The following NPIPA5 variants were observed in gnomAD, a reference collection of about 807,000 sequenced individuals.
The protein encoded by NPIPA5 is nuclear pore complex-interacting protein family member A5.
NPIPA5 carries 6 observed loss-of-function variants against 21.4 expected under a neutral mutation model. The observed-to-expected ratio is 0.28, with a 90% CI of 0.15 to 0.55. The LOEUF (loss-of-function observed/expected upper bound fraction) is 0.55, where lower values mean the gene tolerates loss of function less well. Among genes scored for constraint, NPIPA5 ranks in the 20% least tolerant of loss-of-function variants. The pLI is 0.93. For missense variants in NPIPA5, 99 were observed against 318.2 expected, an observed-to-expected ratio of 0.31 and a Z score of 5.24; for synonymous variants, 33 against 115.3, an observed-to-expected ratio of 0.29 and a Z score of 4.57.
intron 2 of NPIPA5, among the ~76,000 whole-genome samples, chr16:15,372,537 C>A (rs1028826321): frequency 3.4e-5 from 5 of 145,112 alleles, no homozygotes; most frequent in Middle Eastern, 6.9e-3. Flanking sequence ...ACCAAAAATT[C>A]TCTGTTCAGG....
intron 1 of NPIPA5, among the ~76,000 whole-genome samples, chr16:15,376,741 C>G (rs1307066450): frequency 1.3e-5 from 2 of 152,062 alleles, no homozygotes; most frequent in African/African-American, 2.4e-5. Context: ...ATGGTGAAAC[C>G]CAGTCTCTAC....
chr16:15,369,564 A>C (rs1480489444), intron 4 of NPIPA5, 148 bp downstream of exon 4: 2 of 1,185,164 alleles, frequency 1.7e-6, no homozygotes, highest in East Asian at 5.1e-5. Context: ...ATACAGCTTA[A>C]ACTAATGAAG....
intron 1 of NPIPA5, among the ~76,000 whole-genome samples, chr16:15,375,824 T>G (rs1197541297): frequency 6.6e-6 from 1 of 151,814 alleles, no homozygotes; most frequent in Non-Finnish European, 1.5e-5. Context: ...ATTGTTGATA[T>G]TAATTCCATT....
chr16:15,377,982 C>G (rs1203455434), intron 1 of NPIPA5, among the ~76,000 whole-genome samples: 6 of 146,248 alleles, frequency 4.1e-5, no homozygotes, highest in Non-Finnish European at 9.0e-5. Flanking sequence ...TGGTGCCTCA[C>G]AATGGACATT....
At chr16:15,376,378 AT>A (rs1401307919) in intron 1 of NPIPA5, among the ~76,000 whole-genome samples, 3 of 149,592 alleles carry the variant, frequency 2.0e-5, no homozygotes, top group Non-Finnish European at 4.4e-5. Flanking sequence ...AAAATAGAAA[AT>A]TAGCTGGGAG....
intron 7 of NPIPA5, 192 bp downstream of exon 7, chr16:15,365,237 C>CA (rs1196081874): frequency 6.3e-7 from 1 of 1,587,562 alleles, no homozygotes; most frequent in Admixed American, 1.7e-5. Context: ...ATGGGGGCCC[C>CA]ACTGGGTGGG....
At chr16:15,367,248 A>G (rs548583937) in intron 4 of NPIPA5, among the ~76,000 whole-genome samples, 2 of 152,268 alleles carry the variant, frequency 1.3e-5, no homozygotes, top group East Asian at 1.9e-4. Context: ...CATCAGCCAT[A>G]GAGAGATCCT....
At chr16:15,381,526 G>C (rs898091124), upstream of NPIPA5, 6 of 874,534 alleles carry the variant, frequency 6.9e-6, no homozygotes, top group African/African-American at 1.8e-5. Context: ...CCTTGTCCGC[G>C]GCAGGTGCTC....
intron 2 of NPIPA5, among the ~76,000 whole-genome samples, chr16:15,370,681 G>A (rs1219751324): frequency 7.2e-6 from 1 of 139,074 alleles, no homozygotes; most frequent in African/African-American, 2.6e-5. Flanking sequence ...AACCCAGCAG[G>A]AAAAGGTTGT....
intron 2 of NPIPA5, among the ~76,000 whole-genome samples, chr16:15,372,055 C>T (rs1385062093): frequency 2.7e-5 from 4 of 148,334 alleles, no homozygotes; most frequent in Admixed American, 7.1e-5. Flanking sequence ...CACATGAATG[C>T]TTCATGACAC....
chr16:15,379,116 T>A (rs532629767), upstream of NPIPA5, among the ~76,000 whole-genome samples: 173 of 152,302 alleles, frequency 1.1e-3, no homozygotes, highest in African/African-American at 3.9e-3. Context: ...GCCCAAACTC[T>A]CTCAGGCCTC....
upstream of NPIPA5, among the ~76,000 whole-genome samples, chr16:15,379,826 T>A (rs75512281): frequency 0.034 from 5,166 of 150,960 alleles, 143 homozygotes; most frequent in Non-Finnish European, 0.056. Flanking sequence ...ATACCTGTAG[T>A]CCCAGCTACT....
intron 1 of NPIPA5, among the ~76,000 whole-genome samples, chr16:15,376,841 G>C (rs976949234): frequency 6.6e-6 from 1 of 152,178 alleles, no homozygotes; most frequent in African/African-American, 2.4e-5. Flanking sequence ...ACAAAAATTA[G>C]CCAGGCATTG....
upstream of NPIPA5, among the ~76,000 whole-genome samples, chr16:15,379,637 T>A (rs544019611): frequency 2.7e-3 from 410 of 151,362 alleles, 3 homozygotes; most frequent in African/African-American, 9.7e-3. Flanking sequence ...TCTTTTTATA[T>A]GCTGCAGCCA....
chr16:15,369,047 C>T (rs913077868), intron 4 of NPIPA5, among the ~76,000 whole-genome samples: 11 of 143,962 alleles, frequency 7.6e-5, no homozygotes, highest in East Asian at 4.2e-4. Context: ...CCAAGCTACT[C>T]GGGAAGCCGA....
In NPIPA5 at chr16:15,366,901, G is replaced by A; in HGVS notation, c.438-141C>T. ...GAACCAACTGATTCTCACAACCGAA[G>A]GGAGAATGGACACCTCCCATTGAGG... On this transcript the variant is annotated intron_variant, in intron 4 of 7. Coordinates refer to ENST00000360151, the MANE Select transcript of NPIPA5 (RefSeq NM_001277325.2). The A allele has an allele frequency of 5.3e-6, 8 of 1,510,276 alleles. No individual in the cohort carries two copies. The South Asian group carries it at 6.3e-5, about 12-fold the overall frequency. The allele number at this position is 1,510,276 out of a possible 1,614,324, so 93.6% of individuals were successfully genotyped here. A position where few individuals can be genotyped will look rare whatever the true frequency, so the allele number is the denominator to read the frequency against.
At chr16:15,380,242 T>C (rs1419998662), upstream of NPIPA5, among the ~76,000 whole-genome samples, 11 of 151,988 alleles carry the variant, frequency 7.2e-5, no homozygotes, top group Admixed American at 5.3e-4. Context: ...ATATGTACTG[T>C]AGAATGTATT....
rs546543727 is a variant in NPIPA5 at position 15,371,437 on chromosome 16, T to G, written c.193-1318A>C. Among the ~76,000 whole-genome samples, 50 of 149,040 alleles carry G rather than the reference T, an allele frequency of 3.4e-4. 5 individuals are homozygous for G. Among genetic ancestry groups the G allele is most frequent in the Non-Finnish European group, 5.6e-4 (38 of 67,418 alleles). ...AGATATTAAATATTTGTTCTCATCA[T>G]AGCTAAAATGCAACGCAAATCCCAT... On this transcript the variant is annotated intron_variant, in intron 2 of 7. Coordinates refer to ENST00000360151, the MANE Select transcript of NPIPA5 (RefSeq NM_001277325.2).
At chr16:15,367,051 G>A (rs1022246144) in intron 4 of NPIPA5, among the ~76,000 whole-genome samples, 1 of 152,104 alleles carries the variant, frequency 6.6e-6, no homozygotes, top group Admixed American at 6.5e-5. Context: ...TCTATGAGGT[G>A]CACTATGTGC....
Sources: allele counts gnomAD v4.1 joint callset (sites outside exome capture counted in the v4.1 genomes callset), GRCh38; gene constraint gnomAD v4.1.1; transcripts MANE v1.5; gene names NCBI Gene and HGNC (gene_info 2026-07-23, HGNC 2026-07-21).